Variants in GRID1 observed in about 807,000 individuals in gnomAD.
The protein encoded by GRID1 is glutamate ionotropic receptor delta type subunit 1.
Under a neutral mutation model 98.0 loss-of-function variants are expected in GRID1, and 28 were observed. That is an observed-to-expected ratio of 0.29 (90% CI 0.21 to 0.39). GRID1 has a LOEUF of 0.39. Ranked by LOEUF, GRID1 falls within the 10% of genes least tolerant of loss-of-function variation. The pLI is 1.00. For missense variants in GRID1, 1,111 were observed against 1,340.5 expected (o/e 0.83, Z 2.67); for synonymous variants, 553 against 538.5 (o/e 1.03, Z -0.37).
At chr10:86,184,461 CT>C (rs1198471392) in intron 3 of GRID1, among the ~76,000 whole-genome samples, 1,466 of 123,000 alleles carry the variant, frequency 0.012, 12 homozygotes, top group Middle Eastern at 0.035. Context: ...TTTCTTTTTT[CT>C]TTTTTTTTTT....
intron 8 of GRID1, among the ~76,000 whole-genome samples, chr10:85,739,954 G>T (rs773822039): frequency 5.9e-5 from 9 of 152,184 alleles, no homozygotes; most frequent in Non-Finnish European, 5.9e-5. Context: ...TTCATCTCTT[G>T]CACTACACTG....
At chr10:85,904,020 CATGA>C (rs1841425304) in intron 5 of GRID1, among the ~76,000 whole-genome samples, 6 of 152,200 alleles carry the variant, frequency 3.9e-5, no homozygotes, top group African/African-American at 1.2e-4. Context: ...TTTTGCCTTA[CATGA>C]TTGTATTACT....
rs59101010 is a variant in GRID1, at chr10:85,802,838, AACACACACACAC to A, written c.1233+51646_1233+51657del. 2.1e-3 allele frequency among the ~76,000 whole-genome samples: 258 copies of A among 120,960 alleles called. 3 individuals carry two copies. The highest frequency in any genetic ancestry group is 0.021 in the Middle Eastern group (5 of 242). 79.4% of individuals were successfully genotyped at this position (120,960 alleles called of 152,430 possible). A position where few individuals can be genotyped will look rare whatever the true frequency, so the allele number is the denominator to read the frequency against. On this transcript the variant is annotated intron_variant, in intron 8 of 15. Coordinates refer to ENST00000327946, the MANE Select transcript of GRID1 (RefSeq NM_017551.3). ...GAACTCCAAGCATCCAAGCAGAATA[AACACACACACAC>A]ACACACACACACACACACACACACA...
chr10:86,246,716 C>T (rs1846733638), intron 2 of GRID1, among the ~76,000 whole-genome samples: 1 of 152,190 alleles, frequency 6.6e-6, no homozygotes, highest in African/African-American at 2.4e-5. Context: ...GACAACCCTG[C>T]CACCCACAGG....
At chr10:85,703,922 C>A (rs571717342) in intron 12 of GRID1, among the ~76,000 whole-genome samples, 4 of 152,154 alleles carry the variant, frequency 2.6e-5, no homozygotes, top group Admixed American at 2.6e-4. Context: ...TAGGGCAGGG[C>A]TGGTGGTGAC....
chr10:86,295,175 G>A lies in GRID1; in HGVS notation c.235+68766C>T, dbSNP rs116771912. On this transcript the variant is annotated intron_variant, in intron 2 of 15. Transcript: ENST00000327946. ...TGTAAGTGGGTGGGGGAGCGGCAGAGGAGACGCAGAGGACAGTAGCTGCAG... is the reference window on the plus strand; with the variant it reads ...TGTAAGTGGGTGGGGGAGCGGCAGAAGAGACGCAGAGGACAGTAGCTGCAG... Among the ~76,000 whole-genome samples, 710 of 152,348 alleles carry A rather than the reference G, an allele frequency of 4.7e-3. 8 individuals carry two copies. Among genetic ancestry groups the A allele is most frequent in the African/African-American group, 0.016 (680 of 41,572 alleles).
intron 4 of GRID1, among the ~76,000 whole-genome samples, chr10:86,000,107 A>G (rs989458461): frequency 1.3e-5 from 2 of 152,254 alleles, no homozygotes; most frequent in Non-Finnish European, 2.9e-5. Context: ...TTCTTGAAAC[A>G]AAAATGAAAT....
intron 10 of GRID1, among the ~76,000 whole-genome samples, chr10:85,725,937 A>G (rs902217925): frequency 1.3e-5 from 2 of 152,182 alleles, no homozygotes; most frequent in South Asian, 4.1e-4. Context: ...TAGGATTAGG[A>G]AAGTTTGGAG....
At chr10:86,327,823 G>T (rs1848074420) in intron 2 of GRID1, among the ~76,000 whole-genome samples, 1 of 152,214 alleles carries the variant, frequency 6.6e-6, no homozygotes, top group Non-Finnish European at 1.5e-5. Flanking sequence ...GTCGCTGGGT[G>T]TGCAAATTGA....
At chr10:86,242,799 A>C (rs1846659472) in intron 2 of GRID1, among the ~76,000 whole-genome samples, 1 of 152,204 alleles carries the variant, frequency 6.6e-6, no homozygotes, top group Non-Finnish European at 1.5e-5. Flanking sequence ...TCCTCCGAGT[A>C]ATGACATCCA....
chr10:85,713,321 C>A (rs1419030001), intron 12 of GRID1, among the ~76,000 whole-genome samples: 1 of 151,784 alleles, frequency 6.6e-6, no homozygotes, highest in Non-Finnish European at 1.5e-5. Flanking sequence ...GGATAAATTT[C>A]TAGAAACGTA....
chr10:86,293,273 G>A (rs1198373695), intron 2 of GRID1, among the ~76,000 whole-genome samples: 1 of 152,184 alleles, frequency 6.6e-6, no homozygotes, highest in Non-Finnish European at 1.5e-5. Flanking sequence ...CCAATGCCAG[G>A]GAGGGAGAAG....
chr10:86,202,241 C>A (rs746151034), intron 3 of GRID1, among the ~76,000 whole-genome samples: 1 of 152,244 alleles, frequency 6.6e-6, no homozygotes, highest in African/African-American at 2.4e-5. Flanking sequence ...AGCCAAGTTA[C>A]TCCACCCATC....
chr10:86,193,862 C>T (rs1443225853), intron 3 of GRID1, among the ~76,000 whole-genome samples: 1 of 152,006 alleles, frequency 6.6e-6, no homozygotes, highest in Non-Finnish European at 1.5e-5. Context: ...CCACTGCTCA[C>T]TCCCACTACC....
intron 4 of GRID1, among the ~76,000 whole-genome samples, chr10:85,992,382 G>C (rs1022048131): frequency 6.6e-6 from 1 of 152,192 alleles, no homozygotes; most frequent in Non-Finnish European, 1.5e-5. Context: ...ATATCACAAA[G>C]AAAAGGGAAC....
chr10:86,324,925 T>G (rs1207994062), intron 2 of GRID1, among the ~76,000 whole-genome samples: 1 of 152,070 alleles, frequency 6.6e-6, no homozygotes, highest in Non-Finnish European at 1.5e-5. Flanking sequence ...AAAAAGGGGC[T>G]GTTTATCAGA....
chr10:85,613,619 G>A lies in GRID1; in HGVS notation c.2389C>T (p.Leu797=). 1 of 1,614,084 alleles carries A rather than the reference G, an allele frequency of 6.2e-7. No individual in the cohort carries two copies. Among genetic ancestry groups the A allele is most frequent in the Non-Finnish European group, 8.5e-7 (1 of 1,179,986 alleles). Residue 797 remains leucine, a synonymous_variant, in exon 15 of 16, where the codon CTG becomes TTG. Coordinates refer to ENST00000327946, the MANE Select transcript of GRID1 (RefSeq NM_017551.3). ...CACCACTTCTGCTTCAGCACATCCA[G>A]GTCCCCTGTGTCCTGCAGCTCCAGG... ...RILELQDTGD[L]DVLKQKWWPH... is the part of the protein sequence containing the mutation.
At chr10:85,830,932 T>C (rs776531668) in intron 8 of GRID1, among the ~76,000 whole-genome samples, 22 of 152,198 alleles carry the variant, frequency 1.4e-4, no homozygotes, top group Non-Finnish European at 2.9e-4. Flanking sequence ...ACAAAATTAC[T>C]ATTTCACCCA....
intron 2 of GRID1, among the ~76,000 whole-genome samples, chr10:86,220,989 G>A (rs976319612): frequency 2.6e-5 from 4 of 152,148 alleles, no homozygotes; most frequent in African/African-American, 4.8e-5. Context: ...TCAACCCTGC[G>A]CCTCCAGGAG....
Sources: gnomAD v4.1 joint callset for allele counts (sites outside exome capture counted in the v4.1 genomes callset) on GRCh38, gnomAD v4.1.1 for gene constraint, MANE v1.5 for transcripts, NCBI Gene and HGNC (gene_info 2026-07-23, HGNC 2026-07-21) for gene names.